CERKL: variants seen among roughly 807,000 people sequenced by gnomAD.
The protein encoded by CERKL is ceramide kinase-like protein.
CERKL carries 61 observed loss-of-function variants against 63.4 expected under a neutral mutation model. The observed-to-expected ratio is 0.96, with a 90% CI of 0.78 to 1.19. The LOEUF (loss-of-function observed/expected upper bound fraction) is 1.19. CERKL is among the 50% of genes most tolerant of loss of function. The pLI, the probability that CERKL is intolerant of heterozygous loss-of-function variation, is 0.00. For missense variants in CERKL, 675 were observed against 655.5 expected (o/e 1.03, Z -0.33); for synonymous variants, 250 against 230.5 (o/e 1.08, Z -0.77).
intron 2 of CERKL, among the ~76,000 whole-genome samples, chr2:181,585,656 T>A (rs1410342467): frequency 1.3e-5 from 2 of 152,222 alleles, no homozygotes; most frequent in Non-Finnish European, 2.9e-5. Flanking sequence ...TCATGTCTAC[T>A]CCTTATATCT....
At chr2:181,543,683 T>TA (rs1687604872) in intron 11 of CERKL, among the ~76,000 whole-genome samples, 1 of 152,256 alleles carries the variant, frequency 6.6e-6, no homozygotes, top group Admixed American at 6.5e-5. Context: ...AGCACCATTT[T>TA]ATACCTTTAA....
intron 2 of CERKL, among the ~76,000 whole-genome samples, chr2:181,589,897 TCA>T (rs1684918667): frequency 6.6e-6 from 1 of 152,260 alleles, no homozygotes; most frequent in Admixed American, 6.5e-5. Context: ...CAATCACTGC[TCA>T]CTGCAGCCTT....
chr2:181,620,477 T>A (rs1208534115), intron 1 of CERKL, among the ~76,000 whole-genome samples: 1 of 152,202 alleles, frequency 6.6e-6, no homozygotes, highest in African/African-American at 2.4e-5. Flanking sequence ...ATCCCCTCAA[T>A]GCTCTCAATA....
In CERKL at chr2:181,558,445, C is replaced by A; in HGVS notation, c.820+121G>T. The A allele has an allele frequency of 2.7e-6, 3 of 1,094,344 alleles. No homozygotes were observed. Among genetic ancestry groups the A allele is most frequent in the Non-Finnish European group, 4.1e-6 (3 of 724,066 alleles). The allele number at this position is 1,094,344 out of a possible 1,614,324, so 67.8% of individuals were successfully genotyped here. On this transcript the variant is annotated intron_variant, in intron 5 of 12. Coordinates refer to ENST00000410087, the MANE Select transcript of CERKL (RefSeq NM_201548.5). This position sits in a 1 kb window ranked among gnomAD's most constrained non-coding sequence, Gnocchi z 4.2. ...AGTCTCACATTTGCTAGTGGGGATG[C>A]CAGAAGTCTGGATCTTTCAAAGTCT...
intron 1 of CERKL, among the ~76,000 whole-genome samples, chr2:181,653,764 G>T (rs551659994): frequency 6.6e-6 from 1 of 152,326 alleles, no homozygotes; most frequent in African/African-American, 2.4e-5. Flanking sequence ...AGGGGAGAAG[G>T]AAGGATGGAG....
Position 181,544,732 on chromosome 2 carries a change from G to A in CERKL, c.1333C>T (p.His445Tyr), listed in dbSNP as rs1275218458. The A allele has an allele frequency of 3.1e-6, 5 of 1,607,374 alleles. No individual in the cohort carries two copies. Among genetic ancestry groups the A allele is most frequent in the Admixed American group, 1.7e-5 (1 of 59,644 alleles). ...TTTACACTGGCATATCTTTTCAGGT[G>A]TTTTATAAATTCTGGCCGAGAAGTG... ...RNTSRPEFIK[H>Y]LKRYASVKNQ... The change falls in exon 11 of 13, where the codon CAC (histidine) becomes TAC (tyrosine). Residue 445 changes from histidine (H) to tyrosine (Y), a missense_variant. His to Tyr is a moderately conservative substitution (Grantham distance 83). Coordinates refer to ENST00000410087, the MANE Select transcript of CERKL (RefSeq NM_201548.5).
chr2:181,601,435 C>T (rs1411250279), intron 2 of CERKL, among the ~76,000 whole-genome samples: 3 of 151,912 alleles, frequency 2.0e-5, no homozygotes, highest in South Asian at 4.2e-4. Context: ...GTGGCGGGTG[C>T]CTGTAATCCC....
intron 1 of CERKL, among the ~76,000 whole-genome samples, chr2:181,646,400 A>T (rs1687672869): frequency 1.3e-5 from 2 of 152,252 alleles, no homozygotes; most frequent in South Asian, 4.1e-4. Context: ...AAACCTAAAT[A>T]GCAAAGTTAA....
At chr2:181,562,804 T>C (rs1481308103) in intron 4 of CERKL, among the ~76,000 whole-genome samples, 1 of 152,170 alleles carries the variant, frequency 6.6e-6, no homozygotes, top group African/African-American at 2.4e-5. Flanking sequence ...TATATTGTTG[T>C]AGTTTTGATT....
chr2:181,582,350 T>C (rs889158630), intron 2 of CERKL, among the ~76,000 whole-genome samples: 1 of 152,132 alleles, frequency 6.6e-6, no homozygotes, highest in Non-Finnish European at 1.5e-5. Context: ...AGGCTGCATA[T>C]GTGTGGTGAA....
intron 11 of CERKL, among the ~76,000 whole-genome samples, chr2:181,540,271 C>T (rs1326946512): frequency 2.0e-5 from 3 of 152,188 alleles, no homozygotes; most frequent in Non-Finnish European, 4.4e-5. Flanking sequence ...CCTCCTACCT[C>T]GGGTATAAAG....
chr2:181,573,538 T>C (rs1486085604), intron 3 of CERKL, among the ~76,000 whole-genome samples: 3 of 152,004 alleles, frequency 2.0e-5, no homozygotes, highest in Non-Finnish European at 2.9e-5. Flanking sequence ...AAAAAATATC[T>C]GAAAAAATTC....
chr2:181,572,509 C>A (rs1463207373), intron 3 of CERKL, among the ~76,000 whole-genome samples: 1 of 152,134 alleles, frequency 6.6e-6, no homozygotes, highest in Non-Finnish European at 1.5e-5. Context: ...GTTTATTCAA[C>A]TTTTAATTGT....
chr2:181,589,391 G>A (rs1684895118), intron 2 of CERKL, among the ~76,000 whole-genome samples: 1 of 152,158 alleles, frequency 6.6e-6, no homozygotes, highest in African/African-American at 2.4e-5. Context: ...GTGTTCAAAA[G>A]TTACTTGGGT....
In CERKL at chr2:181,544,764, G is replaced by A. The variant is rs1408921254; in HGVS notation, c.1301C>T (p.Ala434Val). The change falls in exon 11 of 13, where the codon GCC (alanine) becomes GTC (valine). Residue 434 changes from alanine to valine, a missense_variant. Ala to Val is a moderately conservative substitution (Grantham distance 64). Transcript: ENST00000410087. The stretch of plus-strand genomic sequence containing the variant: ...AAATTCTGGCCGAGAAGTGTTTCGG[G>A]CAATTATAAGAGCCATACTTCCATT... ...LNNGSMALIIARNTSRPEFIK... is the reference protein window; with the variant it reads ...LNNGSMALIIVRNTSRPEFIK... 1.2e-6 allele frequency: 2 copies of A among 1,606,646 alleles called. No homozygotes were observed. Among genetic ancestry groups the A allele is most frequent in the Admixed American group, 3.4e-5 (2 of 59,686 alleles).
chr2:181,568,792 G>A (rs943378103), intron 3 of CERKL, among the ~76,000 whole-genome samples: 54 of 150,036 alleles, frequency 3.6e-4, no homozygotes, highest in African/African-American at 1.2e-3. Context: ...CCACTAACTC[G>A]TCATCTAGCA....
At chr2:181,608,072 G>A (rs1037708527) in intron 1 of CERKL, among the ~76,000 whole-genome samples, 1 of 152,064 alleles carries the variant, frequency 6.6e-6, no homozygotes, top group African/African-American at 2.4e-5. Context: ...AGGTGTGACT[G>A]TGGTGCACTA....
chr2:181,598,958 G>T (rs1011814623), intron 2 of CERKL, among the ~76,000 whole-genome samples: 1 of 151,934 alleles, frequency 6.6e-6, no homozygotes, highest in Non-Finnish European at 1.5e-5. Context: ...GAAGGAATCT[G>T]CCCAAGAACT....
intron 2 of CERKL, among the ~76,000 whole-genome samples, chr2:181,593,345 T>C (rs1227807884): frequency 3.9e-5 from 6 of 152,162 alleles, no homozygotes; most frequent in Admixed American, 2.6e-4. Context: ...CAAGGATAAG[T>C]AAGTCACCTC....
Sources: allele counts gnomAD v4.1 joint callset (sites outside exome capture counted in the v4.1 genomes callset), GRCh38; gene constraint gnomAD v4.1.1; non-coding constraint Gnocchi (gnomAD v3.1); transcripts MANE v1.5; gene names NCBI Gene and HGNC (gene_info 2026-07-23, HGNC 2026-07-21).